RNF13: variants seen among roughly 807,000 people sequenced by gnomAD.
RNF13 encodes ring finger protein 13, also known as E3 ubiquitin-protein ligase RNF13.
RNF13 carries 19 observed loss-of-function variants against 37.7 expected under a neutral mutation model. The ratio of observed to expected loss-of-function variants is 0.50; its 90% CI spans 0.35 to 0.74. The LOEUF (loss-of-function observed/expected upper bound fraction) is 0.74, where lower values mean the gene tolerates loss of function less well. Among genes scored for constraint, RNF13 ranks in the 30% least tolerant of loss-of-function variants. The pLI is 0.01. For synonymous variants in RNF13, 144 were observed against 157.8 expected (o/e 0.91, Z 0.65); for missense variants, 375 against 453.0 (o/e 0.83, Z 1.56).
At chr3:149,819,895 T>C (rs1719857117) in intron 1 of RNF13, among the ~76,000 whole-genome samples, 1 of 152,236 alleles carries the variant, frequency 6.6e-6, no homozygotes, top group Non-Finnish European at 1.5e-5. Context: ...GTTTCAACGA[T>C]GTAGATCTTC....
At chr3:149,818,027 C>T (rs1208757893) in intron 1 of RNF13, among the ~76,000 whole-genome samples, 1 of 152,128 alleles carries the variant, frequency 6.6e-6, no homozygotes, top group Non-Finnish European at 1.5e-5. Context: ...AAAATATATC[C>T]ATCTCAACTA....
At chr3:149,865,757 A>C (rs1724750244) in intron 3 of RNF13, among the ~76,000 whole-genome samples, 1 of 151,918 alleles carries the variant, frequency 6.6e-6, no homozygotes, top group Non-Finnish European at 1.5e-5. Context: ...TAGTTCCTTG[A>C]GGTTCATTGT....
rs113232467 is a variant in RNF13, at chr3:149,824,376, G to T, written c.-17+11023G>T. On this transcript the variant is annotated intron_variant, in intron 1 of 9. Coordinates refer to ENST00000392894, the MANE Select transcript of RNF13 (RefSeq NM_183381.3). ...TGGGAAGATTATCTGTGTGGGCCCA[G>T]TGTAATCACAAGTGTCCTTAAAAAT... 6.2e-4 allele frequency among the ~76,000 whole-genome samples: 94 copies of T among 152,218 alleles called. 2 individuals carry two copies. The highest frequency in any genetic ancestry group is 2.0e-4 in the Admixed American group (3 of 15,280).
chr3:149,823,276 G>A (rs886709673), intron 1 of RNF13, among the ~76,000 whole-genome samples: 2 of 152,074 alleles, frequency 1.3e-5, no homozygotes, highest in African/African-American at 4.8e-5. Context: ...CTACTATAGA[G>A]TTGTGAGGAT....
At chr3:149,959,371 CTG>C (rs1287542100) in intron 8 of RNF13, among the ~76,000 whole-genome samples, 1 of 151,380 alleles carries the variant, frequency 6.6e-6, no homozygotes, top group Non-Finnish European at 1.5e-5. Flanking sequence ...TTAAAAAACA[CTG>C]GAACTCCAAA....
At chr3:149,834,873 A>G (rs1305296641) in intron 1 of RNF13, among the ~76,000 whole-genome samples, 1 of 152,238 alleles carries the variant, frequency 6.6e-6, no homozygotes, top group Admixed American at 6.5e-5. Flanking sequence ...CTTTATAGCG[A>G]CACAAATGGA....
Position 149,931,899 on chromosome 3 carries a change from C to G in RNF13, c.700+10672C>G, listed in dbSNP as rs543693087. Among the ~76,000 whole-genome samples the G allele has an allele frequency of 1.3e-4, 20 of 152,296 alleles. No individual in the cohort carries two copies. In the East Asian group the frequency reaches 3.7e-3, roughly 28 times the overall value. ...AGTTTGCTCTCTACCTCCATGAGATCAGTTTTCTTAGTTCCCACATACGAG... is the reference window on the plus strand; with the variant it reads ...AGTTTGCTCTCTACCTCCATGAGATGAGTTTTCTTAGTTCCCACATACGAG... On this transcript the variant is annotated intron_variant, in intron 8 of 9. Transcript: ENST00000392894.
chr3:149,880,666 A>G (rs1713284731), intron 4 of RNF13, among the ~76,000 whole-genome samples: 1 of 152,114 alleles, frequency 6.6e-6, no homozygotes. Flanking sequence ...TATGTTATTC[A>G]TTTTATTATC....
chr3:149,911,406 C>T (rs1716984506), intron 6 of RNF13, among the ~76,000 whole-genome samples: 1 of 152,094 alleles, frequency 6.6e-6, no homozygotes, highest in Non-Finnish European at 1.5e-5. Context: ...GCCTGTAATC[C>T]CAGCACTTTG....
At chr3:149,857,824 A>G (rs73155077) in intron 3 of RNF13, among the ~76,000 whole-genome samples, 11,760 of 152,234 alleles carry the variant, frequency 0.077, 494 homozygotes, top group Middle Eastern at 0.099. Flanking sequence ...CAAGTATTAA[A>G]GAATCATTAT....
chr3:149,953,564 TTAAGTA>T (rs1218015606), intron 8 of RNF13, among the ~76,000 whole-genome samples: 22 of 152,360 alleles, frequency 1.4e-4, no homozygotes, highest in Middle Eastern at 3.4e-3. Context: ...ACGTAGCTGC[TTAAGTA>T]TATTTCTTAA....
In RNF13 at chr3:149,852,632, G is replaced by A. The variant is rs186383396; in HGVS notation, c.195+36G>A. ...TGGTAATACATTGTAAAGACACAAGGTATTTAATAAGGTGATTTTTATTGT... is the reference window on the plus strand; with the variant it reads ...TGGTAATACATTGTAAAGACACAAGATATTTAATAAGGTGATTTTTATTGT... On this transcript the variant is annotated intron_variant, in intron 3 of 9. Coordinates refer to ENST00000392894, the MANE Select transcript of RNF13 (RefSeq NM_183381.3). The A allele has an allele frequency of 3.1e-3, 2,959 of 953,592 alleles. 5 individuals are homozygous for A. Among genetic ancestry groups the A allele is most frequent in the Non-Finnish European group, 3.8e-3 (2,447 of 641,306 alleles). 59.1% of individuals were successfully genotyped at this position (953,592 alleles called of 1,614,324 possible). A position where few individuals can be genotyped will look rare whatever the true frequency, so the allele number is the denominator to read the frequency against.
chr3:149,939,451 A>G (rs1720036168), intron 8 of RNF13: 2 of 554,114 alleles, frequency 3.6e-6, no homozygotes, highest in Admixed American at 2.0e-5. Flanking sequence ...CTCCACAGCT[A>G]CTAAGTGCTG....
At chr3:149,850,591 G>C (rs745492217) in intron 2 of RNF13, among the ~76,000 whole-genome samples, 2 of 152,134 alleles carry the variant, frequency 1.3e-5, no homozygotes, top group African/African-American at 4.8e-5. Flanking sequence ...AAACTCTTAA[G>C]TAATAGGAAG....
In RNF13 at chr3:149,813,261, G is replaced by C. The variant is rs1444963643; in HGVS notation, c.-109G>C. On this transcript the variant is annotated 5_prime_UTR_variant, in exon 1 of 10. Coordinates refer to ENST00000392894, the MANE Select transcript of RNF13 (RefSeq NM_183381.3). ...CTAGTACTCCGGGCTGTGGGGGTCGGTGCGGATATTCAGTCATGAAATCAG... is the reference window on the plus strand; with the variant it reads ...CTAGTACTCCGGGCTGTGGGGGTCGCTGCGGATATTCAGTCATGAAATCAG... 3 of 152,318 alleles carry C rather than the reference G, an allele frequency of 2.0e-5. No individual in the cohort carries two copies. The highest frequency in any genetic ancestry group is 7.2e-5 in the African/African-American group (3 of 41,472). The allele number at this position is 152,318 out of a possible 1,614,324, so 9.4% of individuals were successfully genotyped here.
chr3:149,835,447 T>A lies in RNF13; in HGVS notation c.-16-10564T>A, dbSNP rs540414965. On this transcript the variant is annotated intron_variant, in intron 1 of 9. Transcript: ENST00000392894. ...CCTCCTACCCTTTCCCCTGAGTCCC[T>A]AAAGTCCATTGTATCATTCTTATAC... Among the ~76,000 whole-genome samples, 5 of 152,174 alleles carry A rather than the reference T, an allele frequency of 3.3e-5. No homozygotes were observed. In the East Asian group the frequency reaches 9.7e-4, roughly 29 times the overall value.
At position 149,863,675 on chromosome 3, in the gene RNF13, C is replaced by G. The variant is rs572764368; in HGVS notation, c.196-8354C>G. Among the ~76,000 whole-genome samples, 5 of 152,166 alleles carry G rather than the reference C, an allele frequency of 3.3e-5. No individual in the cohort carries two copies. The East Asian group carries it at 9.7e-4, about 29-fold the overall frequency. ...GATTACAGGTGTGAGCCACCACACC[C>G]GGGCTACATTTGTTCATAATACTAA... is the stretch of plus-strand genomic sequence containing the variant. On this transcript the variant is annotated intron_variant, in intron 3 of 9. Transcript: ENST00000392894.
intron 6 of RNF13, among the ~76,000 whole-genome samples, chr3:149,911,028 A>AT (rs1447831722): frequency 5.9e-5 from 9 of 152,238 alleles, no homozygotes; most frequent in Non-Finnish European, 1.2e-4. Context: ...CAACATACAC[A>AT]TTTCTGTAGT....
intron 3 of RNF13, among the ~76,000 whole-genome samples, chr3:149,859,937 C>G (rs937764742): frequency 6.6e-6 from 1 of 151,848 alleles, no homozygotes; most frequent in African/African-American, 2.4e-5. Context: ...ACAAAAAGAA[C>G]AAAGCTGGAG....
Sources: allele counts gnomAD v4.1 joint callset (sites outside exome capture counted in the v4.1 genomes callset), GRCh38; gene constraint gnomAD v4.1.1; transcripts MANE v1.5; gene names NCBI Gene and HGNC (gene_info 2026-07-23, HGNC 2026-07-21).